Variants in POU6F2 observed in about 807,000 individuals in gnomAD.
POU6F2 encodes POU domain, class 6, transcription factor 2.
In POU6F2, 31 loss-of-function variants were observed where a neutral mutation model predicts 71.3. That is an observed-to-expected ratio of 0.43 (90% CI 0.33 to 0.59). The LOEUF is 0.59. POU6F2 is among the 20% of genes least tolerant of loss of function. POU6F2 has a pLI of 0.04. For synonymous variants in POU6F2, 347 were observed against 355.7 expected, an observed-to-expected ratio of 0.98 and a Z score of 0.27; for missense variants, 783 against 856.8, an observed-to-expected ratio of 0.91 and a Z score of 1.07.
intron 2 of POU6F2, among the ~76,000 whole-genome samples, chr7:39,101,316 C>T (rs936380341): frequency 2.0e-4 from 30 of 152,232 alleles, no homozygotes; most frequent in African/African-American, 5.1e-4. Context: ...TCAGGTGATC[C>T]GTCCGCCTCA....
chr7:39,323,702 C>T (rs1785446444), intron 4 of POU6F2, among the ~76,000 whole-genome samples: 1 of 152,112 alleles, frequency 6.6e-6, no homozygotes, highest in African/African-American at 2.4e-5. Flanking sequence ...CTGTGTTTTA[C>T]AAAGATAATT....
intron 5 of POU6F2, among the ~76,000 whole-genome samples, chr7:39,369,359 C>CT (rs895104037): frequency 6.7e-6 from 1 of 149,794 alleles, no homozygotes; most frequent in Admixed American, 6.6e-5. Flanking sequence ...TTTTTTTTTT[C>CT]TTTTTCTTTC....
At chr7:39,382,536 T>C (rs147612578) in intron 5 of POU6F2, among the ~76,000 whole-genome samples, 2 of 152,230 alleles carry the variant, frequency 1.3e-5, no homozygotes, top group Non-Finnish European at 2.9e-5. Flanking sequence ...ACCCAGGAAT[T>C]CATGTGGTGG....
At chr7:39,260,802 GACAT>G (rs1472521532) in intron 4 of POU6F2, among the ~76,000 whole-genome samples, 2 of 151,012 alleles carry the variant, frequency 1.3e-5, no homozygotes, top group African/African-American at 2.4e-5. Flanking sequence ...ACACATATAT[GACAT>G]ACATACATCA....
At position 39,166,745 on chromosome 7, in the gene POU6F2, C is replaced by T. The variant is rs145060874; in HGVS notation, c.278-37490C>T. Among the ~76,000 whole-genome samples, 831 of 152,280 alleles carry T rather than the reference C, an allele frequency of 5.5e-3. 1 individual carries two copies. The highest frequency in any genetic ancestry group is 9.7e-3 in the Non-Finnish European group (659 of 68,034). ...AATGGATCCTGTCCAACTGCTGAGC[C>T]TACCTGTGGAAGGTAGTGCTGGAAT... On this transcript the variant is annotated intron_variant, in intron 2 of 9. Transcript: ENST00000518318.
chr7:39,045,748 C>A (rs1790280614), intron 1 of POU6F2, among the ~76,000 whole-genome samples: 1 of 151,874 alleles, frequency 6.6e-6, no homozygotes, highest in African/African-American at 2.4e-5. Flanking sequence ...CCCAGGCAAC[C>A]AAAGGTCTGC....
In POU6F2 at chr7:39,175,113, TCTC is replaced by T. The variant is rs202187072; in HGVS notation, c.278-29115_278-29113del. 1.2e-4 allele frequency among the ~76,000 whole-genome samples: 18 copies of T among 152,224 alleles called. No individual in the cohort carries two copies. In the East Asian group the frequency reaches 3.5e-3, roughly 29 times the overall value. ...CACCTACCTCTTTGGTTTACTAGGT[TCTC>T]CTCCTCTATCCATCCCTTGAATGGG... On this transcript the variant is annotated intron_variant, in intron 2 of 9. Coordinates refer to ENST00000518318, the MANE Select transcript of POU6F2 (RefSeq NM_001370959.1).
At chr7:38,990,834 C>A (rs868179294) in intron 1 of POU6F2, among the ~76,000 whole-genome samples, 1 of 151,948 alleles carries the variant, frequency 6.6e-6, no homozygotes, top group African/African-American at 2.4e-5. Context: ...CCCAGCAATG[C>A]GGGAAATTGG....
chr7:39,330,332 G>A (rs912060770), intron 4 of POU6F2, among the ~76,000 whole-genome samples: 1 of 152,138 alleles, frequency 6.6e-6, no homozygotes, highest in African/African-American at 2.4e-5. Context: ...GCATGTTTAA[G>A]TCTCTATTTG....
chr7:39,063,812 A>G (rs1025423043), intron 1 of POU6F2, among the ~76,000 whole-genome samples: 5 of 152,208 alleles, frequency 3.3e-5, no homozygotes, highest in Non-Finnish European at 7.3e-5. Flanking sequence ...GCAGCAGATT[A>G]GTTTCAAAAC....
At chr7:39,327,550 A>G (rs1487376765) in intron 4 of POU6F2, among the ~76,000 whole-genome samples, 10 of 152,094 alleles carry the variant, frequency 6.6e-5, no homozygotes, top group African/African-American at 2.2e-4. Flanking sequence ...GCTTGAGTCC[A>G]GGAGATCAAG....
intron 1 of POU6F2, among the ~76,000 whole-genome samples, chr7:39,037,570 C>G (rs1790093471): frequency 6.6e-6 from 1 of 151,932 alleles, no homozygotes; most frequent in Non-Finnish European, 1.5e-5. Context: ...ATCTCACTTT[C>G]TAGTAACATT....
chr7:39,255,457 T>G (rs1036163963), intron 4 of POU6F2, among the ~76,000 whole-genome samples: 14 of 152,226 alleles, frequency 9.2e-5, no homozygotes, highest in Admixed American at 3.3e-4. Context: ...AAGCACGCCT[T>G]TCTCATCTTT....
chr7:39,433,786 A>T (rs1788165863), intron 7 of POU6F2, among the ~76,000 whole-genome samples: 1 of 152,186 alleles, frequency 6.6e-6, no homozygotes, highest in African/African-American at 2.4e-5. Context: ...TTCAAATATC[A>T]ATTGAGAGCT....
At position 39,361,411 on chromosome 7, in the gene POU6F2, A is replaced by C. The variant is rs552726533; in HGVS notation, c.972+21396A>C. Reference sequence around the variant, plus strand: ...AGAAACACTAGAAGATTCACTTTTCAGTTTCTAAATTAGAATCCGTCAGTT... The same window carrying C: ...AGAAACACTAGAAGATTCACTTTTCCGTTTCTAAATTAGAATCCGTCAGTT... On this transcript the variant is annotated intron_variant, in intron 5 of 9. Coordinates refer to ENST00000518318, the MANE Select transcript of POU6F2 (RefSeq NM_001370959.1). Among the ~76,000 whole-genome samples the C allele has an allele frequency of 1.7e-4, 26 of 152,348 alleles. No homozygotes were observed. The East Asian group carries it at 5.0e-3, about 29-fold the overall frequency.
chr7:39,234,401 A>G (rs965775906), intron 4 of POU6F2, among the ~76,000 whole-genome samples: 6 of 152,146 alleles, frequency 3.9e-5, no homozygotes, highest in Non-Finnish European at 5.9e-5. Flanking sequence ...GGTATTGTGC[A>G]GTGCTGAGGC....
intron 7 of POU6F2, among the ~76,000 whole-genome samples, chr7:39,446,011 G>A (rs1412631614): frequency 2.0e-5 from 3 of 152,196 alleles, no homozygotes; most frequent in Non-Finnish European, 4.4e-5. Flanking sequence ...TCAGGGTAGA[G>A]CCCAGTGATC....
At chr7:39,307,881 GGA>G (rs1785077476) in intron 4 of POU6F2, among the ~76,000 whole-genome samples, 1 of 152,026 alleles carries the variant, frequency 6.6e-6, no homozygotes, top group South Asian at 2.1e-4. Context: ...CTTGAACCCA[GGA>G]GATGGAGGTT....
intron 6 of POU6F2, among the ~76,000 whole-genome samples, chr7:39,428,789 C>T (rs1276591784): frequency 6.6e-6 from 1 of 152,050 alleles, no homozygotes; most frequent in Admixed American, 6.5e-5. Context: ...CGTCAAAACT[C>T]ACTCATCAAG....
Sources: gnomAD v4.1 joint callset for allele counts (sites outside exome capture counted in the v4.1 genomes callset) on GRCh38, gnomAD v4.1.1 for gene constraint, MANE v1.5 for transcripts, NCBI Gene and HGNC (gene_info 2026-07-23, HGNC 2026-07-21) for gene names.